Variants in LY96 observed in about 807,000 individuals in gnomAD.
The protein encoded by LY96 is lymphocyte antigen 96, also known as myeloid differentiation protein-2.
LY96 carries 18 observed loss-of-function variants against 18.9 expected under a neutral mutation model. The observed-to-expected ratio is 0.95, with a 90% CI of 0.66 to 1.41. LY96 has a LOEUF of 1.41. Among genes scored for constraint, LY96 ranks in the 40% most tolerant of loss-of-function variants. The pLI, the probability that LY96 is intolerant of heterozygous loss-of-function variation, is 0.00. For missense variants in LY96, 175 were observed against 182.4 expected, an observed-to-expected ratio of 0.96 and a Z score of 0.23; for synonymous variants, 66 against 62.6, an observed-to-expected ratio of 1.06 and a Z score of -0.26.
At chr8:73,993,543 A>G (rs550162095) in intron 1 of LY96, among the ~76,000 whole-genome samples, 2 of 152,132 alleles carry the variant, frequency 1.3e-5, no homozygotes, top group South Asian at 2.1e-4. Context: ...CCTGGGTTCA[A>G]GTGATTCTCC....
At chr8:74,009,495 C>G (rs1201909307) in intron 2 of LY96, among the ~76,000 whole-genome samples, 1 of 150,966 alleles carries the variant, frequency 6.6e-6, no homozygotes, top group African/African-American at 2.4e-5. Flanking sequence ...GCATTGATTA[C>G]TGGAATTTTT....
the LY96 span, among the ~76,000 whole-genome samples, chr8:74,050,129 G>T: frequency 6.6e-6 from 1 of 152,166 alleles, no homozygotes; most frequent in Non-Finnish European, 1.5e-5. Context: ...GATCACCTGA[G>T]GTCAGGAGCT....
chr8:74,013,935 C>T (rs1816584744), intron 3 of LY96, among the ~76,000 whole-genome samples: 1 of 151,936 alleles, frequency 6.6e-6, no homozygotes, highest in Admixed American at 6.6e-5. Context: ...TCCATTTTTA[C>T]AGATAACTAG....
chr8:74,085,188 G>T, the LY96 span, among the ~76,000 whole-genome samples: 6,760 of 152,298 alleles, frequency 0.044, 274 homozygotes, highest in African/African-American at 0.11. Flanking sequence ...GAGTAAGATA[G>T]TCTATGTTAT....
intron 1 of LY96, among the ~76,000 whole-genome samples, chr8:73,994,738 C>G (rs1444927679): frequency 6.6e-6 from 1 of 152,184 alleles, no homozygotes; most frequent in Non-Finnish European, 1.5e-5. Context: ...CTTCCTGCCT[C>G]AGCTTCCCAA....
the LY96 span, among the ~76,000 whole-genome samples, chr8:74,041,632 C>T: frequency 1.3e-5 from 2 of 152,276 alleles, no homozygotes; most frequent in East Asian, 3.9e-4. Context: ...GAGTGTCTGT[C>T]TTATGCGGTT....
the LY96 span, among the ~76,000 whole-genome samples, chr8:74,045,679 C>G: frequency 1.3e-5 from 2 of 152,038 alleles, no homozygotes; most frequent in African/African-American, 4.8e-5. Flanking sequence ...CAGTGGGGCC[C>G]CATTATTGCT....
At chr8:74,052,770 G>A in the LY96 span, 1 of 152,110 alleles carries the variant, frequency 6.6e-6, no homozygotes, top group South Asian at 2.1e-4. Context: ...TACATTAGAA[G>A]GACTACAAAT....
chr8:73,991,555 G>GTA lies in LY96; in HGVS notation c.112+2_112+3dup. 1 of 1,566,504 alleles carries GTA rather than the reference G, an allele frequency of 6.4e-7. No homozygotes were observed. Among genetic ancestry groups the GTA allele is most frequent in the Non-Finnish European group, 8.8e-7 (1 of 1,136,836 alleles). ...GCAAGTATTTCATACACCTACTGTG[G>GTA]TAAGTAAAACCGCAAAACAAATAAT... On this transcript the variant is annotated splice_donor_variant, in intron 1 of 4. Transcript: ENST00000284818. LOFTEE classifies it high-confidence loss of function.
At chr8:74,018,452 A>G (rs1816690627) in intron 3 of LY96, among the ~76,000 whole-genome samples, 1 of 152,206 alleles carries the variant, frequency 6.6e-6, no homozygotes. Flanking sequence ...AAAGAGACTT[A>G]GACTCCCACA....
At chr8:73,992,894 T>G (rs1428660964) in intron 1 of LY96, among the ~76,000 whole-genome samples, 5 of 148,734 alleles carry the variant, frequency 3.4e-5, no homozygotes, top group Admixed American at 7.2e-5. Flanking sequence ...TTTGCTCTGT[T>G]GCCAGGCTGG....
intron 3 of LY96, among the ~76,000 whole-genome samples, chr8:74,013,211 C>T (rs890781950): frequency 6.6e-6 from 1 of 152,238 alleles, no homozygotes. Context: ...CTGCAACCTC[C>T]ACTTCCCGGG....
At chr8:74,086,321 G>C in the LY96 span, among the ~76,000 whole-genome samples, 1 of 152,104 alleles carries the variant, frequency 6.6e-6, no homozygotes, top group South Asian at 2.1e-4. Context: ...TACCAGTTTT[G>C]CTCACTGCGA....
intron 1 of LY96, among the ~76,000 whole-genome samples, chr8:73,996,372 C>CCTTCCTTTCTTT (rs1816135382): frequency 5.4e-4 from 60 of 110,976 alleles, no homozygotes; most frequent in East Asian, 1.6e-3. Context: ...TTCCTTCATT[C>CCTTCCTTTCTTT]CTTTCTTTCT....
At chr8:74,033,598 G>A (rs1175535731), downstream of LY96, among the ~76,000 whole-genome samples, 1 of 152,180 alleles carries the variant, frequency 6.6e-6, no homozygotes, top group Non-Finnish European at 1.5e-5. Context: ...ATTCTGCAGT[G>A]CCTGATAGAC....
the LY96 span, among the ~76,000 whole-genome samples, chr8:74,035,537 G>A: frequency 1.3e-5 from 2 of 152,134 alleles, no homozygotes. Context: ...TCTCAGCCAG[G>A]GCACTCCAAA....
chr8:74,089,776 C>A, the LY96 span, among the ~76,000 whole-genome samples: 1 of 151,910 alleles, frequency 6.6e-6, no homozygotes, highest in Non-Finnish European at 1.5e-5. Flanking sequence ...GGAATGCCAT[C>A]GTAAGGAGTG....
At chr8:74,008,483 C>A (rs1816462323) in intron 2 of LY96, among the ~76,000 whole-genome samples, 1 of 152,198 alleles carries the variant, frequency 6.6e-6, no homozygotes, top group African/African-American at 2.4e-5. Flanking sequence ...CTTCTCCACA[C>A]CCTACCCTGA....
In LY96 at chr8:74,028,964, C is replaced by G. The variant is rs778898504; in HGVS notation, c.393C>G (p.Tyr131Ter). The G allele has an allele frequency of 6.2e-7, 1 of 1,601,736 alleles. No homozygotes were observed. The highest frequency in any genetic ancestry group is 8.5e-7 in the Non-Finnish European group (1 of 1,169,768). Reference sequence around the variant, plus strand: ...CTTATACTTCATTTTAGGGAAAATACAAATGTGTTGTTGAAGCTATTTCTG... The same window carrying G: ...CTTATACTTCATTTTAGGGAAAATAGAAATGTGTTGTTGAAGCTATTTCTG... ...FKGIKFSKGK[Y>*]KCVVEAISGS... Residue 131 changes from tyrosine to a stop codon, truncating the protein, a stop_gained, in exon 5 of 5, where the codon TAC becomes TAG. Coordinates refer to ENST00000284818, the MANE Select transcript of LY96 (RefSeq NM_015364.5). LOFTEE classifies it low-confidence loss of function (END_TRUNC).
Sources: allele counts gnomAD v4.1 joint callset (sites outside exome capture counted in the v4.1 genomes callset), GRCh38; gene constraint gnomAD v4.1.1; transcripts MANE v1.5; gene names NCBI Gene and HGNC (gene_info 2026-07-23, HGNC 2026-07-21).